Variants in MEX3C observed in about 807,000 individuals in gnomAD.
MEX3C encodes mex-3 RNA binding family member C.
In MEX3C, 15 loss-of-function variants were observed where a neutral mutation model predicts 35.5. That is an observed-to-expected ratio of 0.42 (90% CI 0.28 to 0.65). The LOEUF (loss-of-function observed/expected upper bound fraction) is 0.65, where lower values mean the gene tolerates loss of function less well. Among genes scored for constraint, MEX3C ranks in the 30% least tolerant of loss-of-function variants. The pLI is 0.20. For synonymous variants in MEX3C, 390 were observed against 352.8 expected (o/e 1.11, Z -1.18); for missense variants, 711 against 842.8 (o/e 0.84, Z 1.94).
chr18:51,191,711 C>A (rs1304098893), intron 1 of MEX3C, among the ~76,000 whole-genome samples: 1 of 152,116 alleles, frequency 6.6e-6, no homozygotes, highest in Non-Finnish European at 1.5e-5. Context: ...TCATATATGT[C>A]GATTTCTTTA....
Position 51,197,554 on chromosome 18 carries a change from G to A in MEX3C, c.-234C>T, listed in dbSNP as rs1156951900. ...GGTAGGTAACTAGGTGGGTGGGTGG[G>A]GACGGCGGCGGGGCGGGCTGGTGGA... is the stretch of plus-strand genomic sequence containing the variant. On this transcript the variant is annotated 5_prime_UTR_variant, in exon 1 of 2. Transcript: ENST00000406189. 6.9e-6 allele frequency among the ~76,000 whole-genome samples: 1 copy of A among 145,438 alleles called. No individual in the cohort carries two copies. The highest frequency in any genetic ancestry group is 1.5e-5 in the Non-Finnish European group (1 of 65,522).
chr18:51,177,056 C>G lies in MEX3C; in HGVS notation c.1275G>C (p.Trp425Cys), dbSNP rs752654846. 1 of 1,613,932 alleles carries G rather than the reference C, an allele frequency of 6.2e-7. No individual in the cohort carries two copies. The highest frequency in any genetic ancestry group is 1.1e-5 in the South Asian group (1 of 91,080). The change falls in exon 2 of 2, where the codon TGG (tryptophan) becomes TGC (cysteine). Residue 425 changes from tryptophan to cysteine, a missense_variant. Trp to Cys is a radical substitution (Grantham distance 215, BLOSUM62 -2). Coordinates refer to ENST00000406189, the MANE Select transcript of MEX3C (RefSeq NM_016626.5). This position sits in a 1 kb window ranked among gnomAD's most constrained non-coding sequence, Gnocchi z 4.2. Reference sequence around the variant, plus strand: ...TAGGAGGAACAGGATTGGAGGAGAGCCACGCAGAGCCAAGAGTGCCACCTT... The same window carrying G: ...TAGGAGGAACAGGATTGGAGGAGAGGCACGCAGAGCCAAGAGTGCCACCTT... ...SFEGGTLGSAWLSSNPVPPSR... is the reference protein window; with the variant it reads ...SFEGGTLGSACLSSNPVPPSR...
intron 1 of MEX3C, among the ~76,000 whole-genome samples, chr18:51,191,823 G>GT (rs1158729782): frequency 2.6e-5 from 4 of 152,260 alleles, no homozygotes; most frequent in African/African-American, 9.6e-5. Context: ...AGATTACACA[G>GT]TGAGTTATTG....
chr18:51,176,329 G>A lies in MEX3C; in HGVS notation c.*22C>T, dbSNP rs74650135. 1,526 of 1,573,734 alleles carry A rather than the reference G, an allele frequency of 9.7e-4. 20 individuals carry two copies. The African/African-American group carries it at 0.019, about 20-fold the overall frequency. On this transcript the variant is annotated 3_prime_UTR_variant, in exon 2 of 2. Transcript: ENST00000406189. ...CTTTACGAGTCCATATAGAGATATA[G>A]TATTTATGTATATATATATAGTTAA...
chr18:51,196,668 TTCAGGGCGGCCGCCG>T lies in MEX3C; in HGVS notation c.638_652del (p.Ala213_Asn218delinsAsp). 1 of 1,556,046 alleles carries T rather than the reference TTCAGGGCGGCCGCCG, an allele frequency of 6.4e-7. No individual in the cohort carries two copies. The highest frequency in any genetic ancestry group is 8.6e-7 in the Non-Finnish European group (1 of 1,156,580). ...CCGGAGCAGGGCCGCCTGCTCCCCG[TTCAGGGCGGCCGCCG>T]CCGCCCCACAACCGCCGGGGCCGTA... On this transcript the variant is annotated inframe_deletion, in exon 1 of 2. Transcript: ENST00000406189.
At chr18:51,183,841 C>CA (rs939000114) in intron 1 of MEX3C, among the ~76,000 whole-genome samples, 3 of 151,566 alleles carry the variant, frequency 2.0e-5, no homozygotes, top group African/African-American at 4.9e-5. Context: ...ATAAAAACAA[C>CA]AAAAAAAATT....
Position 51,197,216 on chromosome 18 carries a change from GGGCGGCGGCAGAGGCGGCGGTGGC to G in MEX3C, c.81_104del (p.Pro28_Pro35del), listed in dbSNP as rs1279996337. 8.0e-6 allele frequency: 8 copies of G among 1,005,556 alleles called. No homozygotes were observed. The African/African-American group carries it at 1.2e-4, about 15-fold the overall frequency. 62.3% of individuals were successfully genotyped at this position (1,005,556 alleles called of 1,614,324 possible). On this transcript the variant is annotated inframe_deletion, in exon 1 of 2. Coordinates refer to ENST00000406189, the MANE Select transcript of MEX3C (RefSeq NM_016626.5). ...CCCCCTCGAGCTCCGGGCCGCCCGA[GGGCGGCGGCAGAGGCGGCGGTGGC>G]GGCGGCGGCGGCGGGGGCGGCTGCG...
intron 1 of MEX3C, among the ~76,000 whole-genome samples, chr18:51,178,929 C>A (rs898383403): frequency 6.6e-6 from 1 of 151,076 alleles, no homozygotes; most frequent in Non-Finnish European, 1.5e-5. Context: ...ACAATCTGAG[C>A]ATGTCTTTTT....
chr18:51,194,102 C>A (rs1018532400), intron 1 of MEX3C: 75 of 152,242 alleles, frequency 4.9e-4, no homozygotes, highest in African/African-American at 1.8e-3. Flanking sequence ...GATTCTCTCC[C>A]GTGGGGAAAT....
chr18:51,177,361 G>A lies in MEX3C; in HGVS notation c.970C>T (p.Pro324Ser), dbSNP rs1212609808. ...CTGACTTGGACGGTGGTTTGACCGG[G>A]CAGATTAGGACTACATGATAATCCT... is the stretch of plus-strand genomic sequence containing the variant. ...LGGLSCSPNLPGQTTVQVRVP... is the reference protein window; with the variant it reads ...LGGLSCSPNLSGQTTVQVRVP... Residue 324 changes from proline to serine, a missense_variant, in exon 2 of 2, where the codon CCC becomes TCC. This residue lies in a region of MEX3C where 83 missense variants were observed against 179.1 expected (regional missense o/e 0.46). Transcript: ENST00000406189. The surrounding 1 kb of genome is among the most constrained non-coding windows in gnomAD (Gnocchi z 4.2). 1 of 1,613,962 alleles carries A rather than the reference G, an allele frequency of 6.2e-7. No homozygotes were observed. The highest frequency in any genetic ancestry group is 8.5e-7 in the Non-Finnish European group (1 of 1,179,882).
rs150800504 is a variant in MEX3C at position 51,185,884 on chromosome 18, A to ACC, written c.755-8310_755-8309dup. 2.7e-3 allele frequency among the ~76,000 whole-genome samples: 408 copies of ACC among 151,332 alleles called. 1 individual carries two copies. The South Asian group carries it at 0.04, about 15-fold the overall frequency. ...AGACCAGCCTGGGCAACATAGTGAG[A>ACC]CCCCCCCCTCTCTATAATAAACAAA... On this transcript the variant is annotated intron_variant, in intron 1 of 1. Coordinates refer to ENST00000406189, the MANE Select transcript of MEX3C (RefSeq NM_016626.5).
intron 1 of MEX3C, among the ~76,000 whole-genome samples, chr18:51,187,276 G>A (rs909608887): frequency 1.3e-5 from 2 of 152,076 alleles, no homozygotes; most frequent in African/African-American, 4.8e-5. Context: ...CTGTATGTGT[G>A]AAAGGCTCCA....
chr18:51,186,403 G>A (rs1205796618), intron 1 of MEX3C, among the ~76,000 whole-genome samples: 1 of 152,190 alleles, frequency 6.6e-6, no homozygotes, highest in Non-Finnish European at 1.5e-5. Context: ...ATGGGAAGGA[G>A]AGCAGAGGGA....
intron 1 of MEX3C, chr18:51,194,467 G>A (rs2144560169): frequency 6.6e-6 from 1 of 152,184 alleles, no homozygotes; most frequent in East Asian, 1.9e-4. Context: ...TTCCTATCAC[G>A]TAATAGCTGG....
chr18:51,177,668 T>A lies in MEX3C; in HGVS notation c.755-92A>T. 1 of 1,384,684 alleles carries A rather than the reference T, an allele frequency of 7.2e-7. No individual in the cohort carries two copies. Among genetic ancestry groups the A allele is most frequent in the East Asian group, 2.3e-5 (1 of 43,132 alleles). The allele number at this position is 1,384,684 out of a possible 1,614,324, so 85.8% of individuals were successfully genotyped here. ...CAGAATGCACCTTTTAAGCTAAATA[T>A]CTGGTTATGGGTTAAGTTTTAGAGT... On this transcript the variant is annotated intron_variant, in intron 1 of 1. Transcript: ENST00000406189. This position sits in a 1 kb window ranked among gnomAD's most constrained non-coding sequence, Gnocchi z 4.2.
At chr18:51,188,613 TA>T (rs1912590104) in intron 1 of MEX3C, among the ~76,000 whole-genome samples, 2 of 138,192 alleles carry the variant, frequency 1.4e-5, no homozygotes. Context: ...AAAAAAAAAT[TA>T]AAAAAAATGC....
intron 1 of MEX3C, among the ~76,000 whole-genome samples, chr18:51,179,406 C>T (rs572019537): frequency 1.3e-5 from 2 of 152,282 alleles, no homozygotes; most frequent in South Asian, 4.1e-4. Context: ...GTTGACTACA[C>T]AGGTTGAGTT....
intron 1 of MEX3C, 41 bp downstream of exon 1, chr18:51,196,526 C>A (rs1379669710): frequency 6.5e-7 from 1 of 1,530,842 alleles, no homozygotes; most frequent in South Asian, 1.2e-5. Flanking sequence ...CACCCACGCC[C>A]GGGGCCATGC....
chr18:51,185,947 T>C (rs1391355944), intron 1 of MEX3C, among the ~76,000 whole-genome samples: 3 of 152,048 alleles, frequency 2.0e-5, no homozygotes, highest in Admixed American at 6.6e-5. Context: ...GGAGAAAATA[T>C]AGAAGCCAAG....
Sources: gnomAD v4.1 joint callset for allele counts (sites outside exome capture counted in the v4.1 genomes callset) on GRCh38, gnomAD v4.1.1 for gene constraint, gnomAD v4.1.1 regional missense constraint, Gnocchi (gnomAD v3.1) non-coding constraint, MANE v1.5 for transcripts, NCBI Gene and HGNC (gene_info 2026-07-23, HGNC 2026-07-21) for gene names.